The following PTPRG variants were observed in gnomAD, a reference collection of about 807,000 sequenced individuals.
PTPRG encodes the protein protein tyrosine phosphatase receptor type G.
Under a neutral mutation model 165.3 loss-of-function variants are expected in PTPRG, and 102 were observed. The observed-to-expected ratio is 0.62, with a 90% CI of 0.53 to 0.73. The LOEUF is 0.73. Among genes scored for constraint, PTPRG ranks in the 30% least tolerant of loss-of-function variants. The pLI is 0.00. For synonymous variants in PTPRG, 675 were observed against 669.5 expected (o/e 1.01, Z -0.13); for missense variants, 1,866 against 1,861.4 (o/e 1.00, Z -0.05).
intron 4 of PTPRG, among the ~76,000 whole-genome samples, chr3:62,060,409 T>A (rs1700770642): frequency 6.6e-6 from 1 of 152,052 alleles, no homozygotes. Context: ...TGGTTACTCT[T>A]GGTTGGAGGG....
At chr3:62,201,819 A>G (rs1700101773) in intron 11 of PTPRG, among the ~76,000 whole-genome samples, 1 of 152,220 alleles carries the variant, frequency 6.6e-6, no homozygotes, top group South Asian at 2.1e-4. Flanking sequence ...GGATCAGACG[A>G]TGCAGGACCA....
chr3:61,772,844 G>C (rs1007281455), intron 2 of PTPRG, among the ~76,000 whole-genome samples: 17 of 152,166 alleles, frequency 1.1e-4, no homozygotes, highest in Non-Finnish European at 2.2e-4. Flanking sequence ...AAATAGGGTT[G>C]CTAGATCAGA....
intron 1 of PTPRG, among the ~76,000 whole-genome samples, chr3:61,706,831 T>C (rs899735366): frequency 4.6e-5 from 7 of 152,100 alleles, no homozygotes; most frequent in Admixed American, 4.6e-4. Context: ...AAGCAATATA[T>C]GAATACATTG....
chr3:62,120,568 T>C (rs1290620174), intron 5 of PTPRG, among the ~76,000 whole-genome samples: 2 of 151,948 alleles, frequency 1.3e-5, no homozygotes, highest in African/African-American at 4.8e-5. Flanking sequence ...CTGGCCAACA[T>C]GGTTAAACCC....
At chr3:61,987,641 G>T (rs2040794045) in intron 2 of PTPRG, among the ~76,000 whole-genome samples, 1 of 151,886 alleles carries the variant, frequency 6.6e-6, no homozygotes, top group South Asian at 2.1e-4. Context: ...ATACACATAT[G>T]ATATTATGAT....
At chr3:62,104,954 A>T (rs557733145) in intron 5 of PTPRG, among the ~76,000 whole-genome samples, 1 of 152,178 alleles carries the variant, frequency 6.6e-6, no homozygotes, top group Admixed American at 6.5e-5. Context: ...AGGTAATAGG[A>T]TACATTTTTA....
intron 2 of PTPRG, among the ~76,000 whole-genome samples, chr3:61,929,684 G>A (rs1023998622): frequency 2.6e-5 from 4 of 152,196 alleles, no homozygotes; most frequent in Non-Finnish European, 4.4e-5. Context: ...TTTATGAGCC[G>A]TCGTGTCGGC....
At chr3:61,821,685 G>T (rs540655196) in intron 2 of PTPRG, among the ~76,000 whole-genome samples, 1 of 152,298 alleles carries the variant, frequency 6.6e-6, no homozygotes, top group African/African-American at 2.4e-5. Flanking sequence ...GAAAGTTAAA[G>T]AGATATAAAC....
At chr3:62,081,276 A>C in intron 5 of PTPRG, among the ~76,000 whole-genome samples, 1 of 151,060 alleles carries the variant, frequency 6.6e-6, no homozygotes, top group African/African-American at 2.5e-5. Context: ...AAACAAACAA[A>C]CAAACAAACA....
intron 1 of PTPRG, among the ~76,000 whole-genome samples, chr3:61,733,485 AG>A (rs1162697680): frequency 6.6e-6 from 1 of 152,166 alleles, no homozygotes; most frequent in Admixed American, 6.5e-5. Flanking sequence ...AGCTCTGGTG[AG>A]GGTTAACATG....
intron 5 of PTPRG, among the ~76,000 whole-genome samples, chr3:62,088,599 T>C (rs918190952): frequency 6.6e-6 from 1 of 152,250 alleles, no homozygotes; most frequent in South Asian, 2.1e-4. Flanking sequence ...GGGTATTTGT[T>C]TGCAGACACT....
chr3:61,598,510 A>G (rs1288908385), intron 1 of PTPRG, among the ~76,000 whole-genome samples: 3 of 152,150 alleles, frequency 2.0e-5, no homozygotes, highest in Non-Finnish European at 4.4e-5. Flanking sequence ...GTGAAGAGCT[A>G]TAAGACACGC....
chr3:62,014,874 T>G (rs1385354271), intron 4 of PTPRG, among the ~76,000 whole-genome samples: 1 of 152,250 alleles, frequency 6.6e-6, no homozygotes, highest in Non-Finnish European at 1.5e-5. Flanking sequence ...TTATTCTATC[T>G]AAATTATCTG....
chr3:61,781,986 C>G (rs1409617351), intron 2 of PTPRG, among the ~76,000 whole-genome samples: 1 of 151,306 alleles, frequency 6.6e-6, no homozygotes, highest in Non-Finnish European at 1.5e-5. Flanking sequence ...TTTCCTCAAC[C>G]TCCCACCGAT....
chr3:61,833,246 A>AT (rs1215759618), intron 2 of PTPRG, among the ~76,000 whole-genome samples: 1 of 152,198 alleles, frequency 6.6e-6, no homozygotes, highest in East Asian at 1.9e-4. Flanking sequence ...CCCTAAATAT[A>AT]TACTATAGGA....
intron 1 of PTPRG, among the ~76,000 whole-genome samples, chr3:61,710,952 T>G (rs1302100992): frequency 6.6e-6 from 1 of 151,910 alleles, no homozygotes; most frequent in Non-Finnish European, 1.5e-5. Context: ...CCCTGGTGTG[T>G]GATGTTCCCC....
intron 2 of PTPRG, among the ~76,000 whole-genome samples, chr3:61,916,879 C>A (rs193033494): frequency 6.6e-6 from 1 of 152,314 alleles, no homozygotes; most frequent in East Asian, 1.9e-4. Flanking sequence ...GATAAAAATC[C>A]TACCCAGTGC....
At chr3:61,919,693 C>T (rs147716550) in intron 2 of PTPRG, among the ~76,000 whole-genome samples, 345 of 152,182 alleles carry the variant, frequency 2.3e-3, no homozygotes, top group African/African-American at 8.0e-3. Flanking sequence ...TCATGTACCT[C>T]CTCTAAAGGA....
chr3:61,673,736 T>G (rs1052043743), intron 1 of PTPRG, among the ~76,000 whole-genome samples: 1 of 152,184 alleles, frequency 6.6e-6, no homozygotes, highest in African/African-American at 2.4e-5. Flanking sequence ...TTTCTTATCA[T>G]CTAACCCCCT....
Sources: allele counts gnomAD v4.1 joint callset (sites outside exome capture counted in the v4.1 genomes callset), GRCh38; gene constraint gnomAD v4.1.1; transcripts MANE v1.5; gene names NCBI Gene and HGNC (gene_info 2026-07-23, HGNC 2026-07-21).